The following ZBTB32 variants were observed in gnomAD, a reference collection of about 807,000 sequenced individuals.
The protein encoded by ZBTB32 is zinc finger and BTB domain-containing protein 32.
A neutral mutation model predicts 45.3 loss-of-function variants in ZBTB32; 28 were observed. That is an observed-to-expected ratio of 0.62 (90% CI 0.46 to 0.85). ZBTB32 has a LOEUF of 0.85. Ranked by LOEUF, ZBTB32 falls within the 40% of genes least tolerant of loss-of-function variation. The pLI, the probability that ZBTB32 is intolerant of heterozygous loss-of-function variation, is 0.00. For missense variants in ZBTB32, 587 were observed against 624.4 expected, an observed-to-expected ratio of 0.94 and a Z score of 0.64; for synonymous variants, 283 against 255.7, an observed-to-expected ratio of 1.11 and a Z score of -1.02.
intron 1 of ZBTB32, among the ~76,000 whole-genome samples, chr19:35,710,570 G>T (rs1968661143): frequency 6.6e-6 from 1 of 152,106 alleles, no homozygotes; most frequent in Non-Finnish European, 1.5e-5. Flanking sequence ...TGGCTAACAT[G>T]GTGAAACCCC....
rs762363258 is a variant in ZBTB32, at chr19:35,714,854, C to A, written c.228C>A (p.Asn76Lys). ...CTTCTACCTTTGCCCAGCTCCTGAACTTTGTGTATGGGGAGAGTGTAGAGC... is the reference window on the plus strand; with the variant it reads ...CTTCTACCTTTGCCCAGCTCCTGAAATTTGTGTATGGGGAGAGTGTAGAGC... Reference protein sequence around the residue: ...ISPSTFAQLLNFVYGESVELQ... With the variant: ...ISPSTFAQLLKFVYGESVELQ... Residue 76 changes from asparagine (N) to lysine (K), a missense_variant, in exon 3 of 7, where the codon AAC becomes AAA. By Grantham distance (94) the Asn-to-Lys change is moderately conservative. Coordinates refer to ENST00000392197, the MANE Select transcript of ZBTB32 (RefSeq NM_014383.3). The A allele has an allele frequency of 3.1e-6, 5 of 1,610,886 alleles. No individual in the cohort carries two copies. The highest frequency in any genetic ancestry group is 4.2e-6 in the Non-Finnish European group (5 of 1,178,280).
chr19:35,705,910 C>G (rs943383580), intron 1 of ZBTB32, among the ~76,000 whole-genome samples: 1 of 103,264 alleles, frequency 9.7e-6, no homozygotes, highest in Non-Finnish European at 1.9e-5. Context: ...TGCTCTGTCT[C>G]AAAAAAAAAA....
chr19:35,712,876 T>C (rs545649998), intron 1 of ZBTB32, 41 bp from the exon 2 acceptor site: 11 of 152,302 alleles, frequency 7.2e-5, no homozygotes, highest in African/African-American at 2.6e-4. Context: ...CTCCACCCTA[T>C]TCTTGGGATC....
At chr19:35,705,181 C>T (rs1041892744) in intron 1 of ZBTB32, among the ~76,000 whole-genome samples, 2 of 152,080 alleles carry the variant, frequency 1.3e-5, no homozygotes, top group African/African-American at 2.4e-5. Context: ...TGGTGGCACA[C>T]GTCCGTAATC....
At chr19:35,705,914 A>AC (rs1038951786) in intron 1 of ZBTB32, among the ~76,000 whole-genome samples, 5 of 144,136 alleles carry the variant, frequency 3.5e-5, no homozygotes, top group African/African-American at 5.3e-5. Context: ...CTGTCTCAAA[A>AC]AAAAAAAATT....
At chr19:35,708,921 C>T (rs1306693991) in intron 1 of ZBTB32, among the ~76,000 whole-genome samples, 1 of 151,536 alleles carries the variant, frequency 6.6e-6, no homozygotes, top group Non-Finnish European at 1.5e-5. Context: ...CGGGTTGAAG[C>T]GATTCTCCTG....
intron 1 of ZBTB32, among the ~76,000 whole-genome samples, chr19:35,709,460 C>A (rs1968629405): frequency 6.6e-6 from 1 of 152,126 alleles, no homozygotes; most frequent in Non-Finnish European, 1.5e-5. Context: ...CTGGGTTGTG[C>A]CTCAAGAAGT....
intron 1 of ZBTB32, among the ~76,000 whole-genome samples, chr19:35,711,149 G>A (rs747924632): frequency 3.3e-5 from 5 of 152,142 alleles, no homozygotes; most frequent in Non-Finnish European, 7.3e-5. Context: ...GCAAACCAGC[G>A]GGGGAGCTGA....
intron 1 of ZBTB32, among the ~76,000 whole-genome samples, chr19:35,706,388 C>G (rs1968543922): frequency 6.6e-6 from 1 of 151,216 alleles, no homozygotes; most frequent in Middle Eastern, 3.2e-3. Flanking sequence ...TAGTGGAGCA[C>G]AGGAAGAGGT....
chr19:35,707,658 G>A (rs989308687), intron 1 of ZBTB32, among the ~76,000 whole-genome samples: 9 of 151,916 alleles, frequency 5.9e-5, no homozygotes, highest in Non-Finnish European at 7.4e-5. Flanking sequence ...GTGAGCCACC[G>A]CACCCGGCCT....
chr19:35,709,364 T>C (rs966685282), intron 1 of ZBTB32, among the ~76,000 whole-genome samples: 2 of 152,184 alleles, frequency 1.3e-5, no homozygotes, highest in South Asian at 2.1e-4. Flanking sequence ...ATCCCTCCCA[T>C]TGGTCTATTC....
At chr19:35,711,026 C>T (rs930151297) in intron 1 of ZBTB32, among the ~76,000 whole-genome samples, 11 of 152,160 alleles carry the variant, frequency 7.2e-5, no homozygotes, top group Non-Finnish European at 1.3e-4. Context: ...GTTCCCTTGC[C>T]CCTCCTCCCT....
chr19:35,715,204 A>C lies in ZBTB32; in HGVS notation c.578A>C (p.Glu193Ala), dbSNP rs1968828185. The change falls in exon 3 of 7, where the codon GAG becomes GCG. Residue 193 changes from glutamate (E) to alanine (A), a missense_variant. By Grantham distance (107) the Glu-to-Ala change is moderately radical. Transcript: ENST00000392197. The stretch of plus-strand genomic sequence containing the variant: ...CAGCAGGAACAGACCAGGTCAAAGG[A>C]GAAACGCCTCCAAGCCCCTGTTGGC... ...EAQQEQTRSK[E>A]KRLQAPVGQR... 1 of 1,608,982 alleles carries C rather than the reference A, an allele frequency of 6.2e-7. No individual in the cohort carries two copies. The highest frequency in any genetic ancestry group is 8.5e-7 in the Non-Finnish European group (1 of 1,178,698).
chr19:35,713,764 A>C (rs977103500), intron 2 of ZBTB32, among the ~76,000 whole-genome samples: 2 of 152,200 alleles, frequency 1.3e-5, no homozygotes, highest in Non-Finnish European at 2.9e-5. Context: ...CTTATGAAAA[A>C]CAAATTAAAC....
Position 35,716,118 on chromosome 19 carries a change from TC to T in ZBTB32, c.1025-14del. ...TTCCTGGCCCTGCCCTCCTTTGCCT[TC>T]TCTGTCCCCACAGGCGCACTTGCAA... On this transcript the variant is annotated splice_polypyrimidine_tract_variant and intron_variant, in intron 5 of 6. Coordinates refer to ENST00000392197, the MANE Select transcript of ZBTB32 (RefSeq NM_014383.3). The T allele has an allele frequency of 6.2e-7, 1 of 1,613,186 alleles. No individual in the cohort carries two copies. Among genetic ancestry groups the T allele is most frequent in the Non-Finnish European group, 8.5e-7 (1 of 1,179,708 alleles).
rs150269464 is a variant in ZBTB32, at chr19:35,715,209, C to T, written c.583C>T (p.Arg195Cys). 4.6e-5 allele frequency: 74 copies of T among 1,608,258 alleles called. No individual in the cohort carries two copies. The Middle Eastern group carries it at 5.0e-4, about 11-fold the overall frequency. ...QQEQTRSKEKRLQAPVGQRGA... is the reference protein window; with the variant it reads ...QQEQTRSKEKCLQAPVGQRGA... ...GGAACAGACCAGGTCAAAGGAGAAACGCCTCCAAGCCCCTGTTGGCCAAAG... is the reference window on the plus strand; with the variant it reads ...GGAACAGACCAGGTCAAAGGAGAAATGCCTCCAAGCCCCTGTTGGCCAAAG... Residue 195 changes from arginine to cysteine, a missense_variant, in exon 3 of 7, where the codon CGC becomes TGC. Coordinates refer to ENST00000392197, the MANE Select transcript of ZBTB32 (RefSeq NM_014383.3).
At chr19:35,711,600 G>A (rs1205566416) in intron 1 of ZBTB32, among the ~76,000 whole-genome samples, 5 of 152,148 alleles carry the variant, frequency 3.3e-5, no homozygotes, top group Non-Finnish European at 5.9e-5. Context: ...CCCATGTGGA[G>A]GGAAGGCGTG....
intron 1 of ZBTB32, among the ~76,000 whole-genome samples, chr19:35,708,590 T>C (rs1199642222): frequency 6.6e-6 from 1 of 152,158 alleles, no homozygotes; most frequent in East Asian, 1.9e-4. Flanking sequence ...CAGTGAAACC[T>C]GTTTTCCAAC....
At chr19:35,708,738 A>T (rs1204290190) in intron 1 of ZBTB32, among the ~76,000 whole-genome samples, 1 of 151,720 alleles carries the variant, frequency 6.6e-6, no homozygotes, top group Non-Finnish European at 1.5e-5. Context: ...GAACTAATTC[A>T]CTCCTTGTGG....
Sources: allele counts gnomAD v4.1 joint callset (sites outside exome capture counted in the v4.1 genomes callset), GRCh38; gene constraint gnomAD v4.1.1; transcripts MANE v1.5; gene names NCBI Gene and HGNC (gene_info 2026-07-23, HGNC 2026-07-21).